The following FAM184A variants were observed in gnomAD, a reference collection of about 807,000 sequenced individuals.
FAM184A encodes family with sequence similarity 184 member A.
FAM184A carries 99 observed loss-of-function variants against 143.8 expected under a neutral mutation model. The ratio of observed to expected loss-of-function variants is 0.69; its 90% CI spans 0.58 to 0.81. The LOEUF (loss-of-function observed/expected upper bound fraction) is 0.81. Ranked by LOEUF, FAM184A falls within the 40% of genes least tolerant of loss-of-function variation. The probability of loss-of-function intolerance (pLI) is 0.00; values close to 1 mark genes in which losing one functional copy is unlikely to be tolerated. For synonymous variants in FAM184A, 427 were observed against 446.4 expected (o/e 0.96, Z 0.55); for missense variants, 1,217 against 1,310.5 (o/e 0.93, Z 1.10).
rs889907993 is a variant in FAM184A, at chr6:119,089,502, T to G, written c.-202+59576A>C. Among the ~76,000 whole-genome samples, 9 of 152,178 alleles carry G rather than the reference T, an allele frequency of 5.9e-5. 1 individual carries two copies. The highest frequency in any genetic ancestry group is 1.5e-5 in the Non-Finnish European group (1 of 68,024). ...AATTCTTGTAGAGATGGGATCTTGC[T>G]ACATTGCCCAGGCTGGTCCTGAACT... is the stretch of plus-strand genomic sequence containing the variant. On this transcript the variant is annotated intron_variant, in intron 1 of 16. Transcript: ENST00000352896.
At chr6:118,991,779 T>C (rs1207379559) in intron 9 of FAM184A, among the ~76,000 whole-genome samples, 2 of 100,854 alleles carry the variant, frequency 2.0e-5, no homozygotes, top group Non-Finnish European at 4.2e-5. Flanking sequence ...TTTTTTTTTT[T>C]TGAGACAGAG....
intron 16 of FAM184A, among the ~76,000 whole-genome samples, chr6:118,964,237 T>C (rs1365263099): frequency 6.6e-6 from 1 of 152,168 alleles, no homozygotes; most frequent in East Asian, 1.9e-4. Context: ...TCTCTGACGA[T>C]TGGTAGGCAA....
intron 1 of FAM184A, among the ~76,000 whole-genome samples, chr6:119,073,900 C>A (rs1015361286): frequency 2.9e-4 from 44 of 152,228 alleles, no homozygotes; most frequent in African/African-American, 1.1e-3. Flanking sequence ...GAGTGAACAA[C>A]CTGGGGTGGG....
At chr6:118,991,163 ATTTTTTTTT>A (rs527696839) in intron 9 of FAM184A, among the ~76,000 whole-genome samples, 1 of 145,320 alleles carries the variant, frequency 6.9e-6, no homozygotes, top group Non-Finnish European at 1.5e-5. Context: ...TTATTTTTTA[ATTTTTTTTT>A]TTTTTGAGAT....
intron 9 of FAM184A, among the ~76,000 whole-genome samples, chr6:118,990,780 A>G (rs913946060): frequency 6.6e-6 from 1 of 152,072 alleles, no homozygotes; most frequent in Non-Finnish European, 1.5e-5. Flanking sequence ...AGCTACAGCT[A>G]CTCGGGAGGC....
intron 1 of FAM184A, among the ~76,000 whole-genome samples, chr6:119,109,708 A>G (rs1021331631): frequency 2.0e-5 from 3 of 152,192 alleles, no homozygotes; most frequent in Admixed American, 1.3e-4. Context: ...GAGGACTTTC[A>G]TCTTAGAAAC....
In FAM184A at chr6:119,011,411, G is replaced by C. The variant is rs1162927968; in HGVS notation, c.1551C>G (p.Asn517Lys). ...CCTCTTCCAGGTTTAGTTTATCTTT[G>C]TTATGTTGTTCTTCCAAATCCTTAG... is the stretch of plus-strand genomic sequence containing the variant. ...KLQMDLEEQH[N>K]KDKLNLEEDK... Residue 517 changes from asparagine to lysine, a missense_variant, in exon 6 of 18, where the codon AAC becomes AAG. Transcript: ENST00000338891. 3.2e-6 allele frequency: 5 copies of C among 1,553,660 alleles called. No homozygotes were observed. The African/African-American group carries it at 5.5e-5, about 17-fold the overall frequency.
At chr6:119,102,317 A>C (rs959673241) in intron 1 of FAM184A, among the ~76,000 whole-genome samples, 5 of 152,230 alleles carry the variant, frequency 3.3e-5, no homozygotes, top group African/African-American at 1.2e-4. Context: ...AATTCCCCCC[A>C]ATTATTACTA....
chr6:119,119,578 A>G (rs1207965593), intron 1 of FAM184A, among the ~76,000 whole-genome samples: 4 of 152,260 alleles, frequency 2.6e-5, no homozygotes, highest in Non-Finnish European at 5.9e-5. Flanking sequence ...TTGTTAGTAT[A>G]TGAACACAAA....
intron 1 of FAM184A, among the ~76,000 whole-genome samples, chr6:119,111,582 C>T (rs1056722822): frequency 1.3e-5 from 2 of 152,148 alleles, no homozygotes; most frequent in Middle Eastern, 3.2e-3. Flanking sequence ...CACAGAAACC[C>T]GGCGTATTCC....
Position 119,137,406 on chromosome 6 carries a change from C to A in FAM184A, c.-202+11672G>T, listed in dbSNP as rs6569052. Among the ~76,000 whole-genome samples, 932 of 152,266 alleles carry A rather than the reference C, an allele frequency of 6.1e-3. 38 individuals carry two copies. In the East Asian group the frequency reaches 0.092, roughly 15 times the overall value. ...AGTCCTATCAGATTAGGACCCCACC[C>A]ATATGTCCTCATTCAACCTTAATCA... is the stretch of plus-strand genomic sequence containing the variant. On this transcript the variant is annotated intron_variant, in intron 1 of 16. Coordinates refer to the FAM184A transcript ENST00000352896.
At chr6:119,113,514 T>C (rs1412782010) in intron 1 of FAM184A, among the ~76,000 whole-genome samples, 1 of 152,130 alleles carries the variant, frequency 6.6e-6, no homozygotes, top group Non-Finnish European at 1.5e-5. Context: ...ACCATACAAC[T>C]ATAGTTCTCA....
chr6:119,010,032 C>A (rs369013601), intron 6 of FAM184A, among the ~76,000 whole-genome samples: 1 of 152,154 alleles, frequency 6.6e-6, no homozygotes, highest in Non-Finnish European at 1.5e-5. Context: ...GCCATGTGTG[C>A]CTCTAAGCAG....
intron 1 of FAM184A, among the ~76,000 whole-genome samples, chr6:119,025,167 C>T (rs1032890651): frequency 2.4e-4 from 36 of 152,064 alleles, no homozygotes; most frequent in Admixed American, 1.8e-3. Flanking sequence ...TCTAGCTTAC[C>T]GGGGACTGTG....
chr6:119,107,590 A>G (rs1582622280), intron 1 of FAM184A, among the ~76,000 whole-genome samples: 1 of 152,064 alleles, frequency 6.6e-6, no homozygotes, highest in East Asian at 1.9e-4. Flanking sequence ...AGTGAAAATA[A>G]TTTGTCTCTA....
Position 119,024,430 on chromosome 6 carries a change from T to G in FAM184A, c.543A>C (p.Lys181Asn). 1.9e-6 allele frequency: 3 copies of G among 1,614,204 alleles called. No individual in the cohort carries two copies. Among genetic ancestry groups the G allele is most frequent in the Non-Finnish European group, 2.5e-6 (3 of 1,180,050 alleles). ...SFGQLQVQFEKDKRLALEDLQ... is the reference protein window; with the variant it reads ...SFGQLQVQFENDKRLALEDLQ... ...AGTCTTCCAATGCCAATCGTTTGTC[T>G]TTTTCAAACTGTACTTGAAGTTGTC... The change falls in exon 2 of 18, where the codon AAA becomes AAC. Residue 181 changes from lysine (K) to asparagine (N), a missense_variant. Physicochemically the swap from Lys to Asn is moderately conservative, Grantham distance 94 (BLOSUM62 0). Coordinates refer to ENST00000338891, the MANE Select transcript of FAM184A (RefSeq NM_024581.6).
chr6:118,970,151 C>T (rs1001160114), intron 14 of FAM184A, among the ~76,000 whole-genome samples: 1 of 149,506 alleles, frequency 6.7e-6, no homozygotes, highest in African/African-American at 2.5e-5. Flanking sequence ...TTACAAGTGT[C>T]TGCCACCACA....
At chr6:118,993,546 T>G (rs1784445028) in intron 9 of FAM184A, among the ~76,000 whole-genome samples, 1 of 152,240 alleles carries the variant, frequency 6.6e-6, no homozygotes, top group Non-Finnish European at 1.5e-5. Context: ...TTATTCACAT[T>G]CTGCATCCAA....
intron 1 of FAM184A, among the ~76,000 whole-genome samples, chr6:119,139,662 A>T (rs78460656): frequency 6.6e-6 from 1 of 150,616 alleles, no homozygotes; most frequent in Non-Finnish European, 1.5e-5. Flanking sequence ...AAAAAAAAAA[A>T]CCACTGGGGA....
Sources: allele counts gnomAD v4.1 joint callset (sites outside exome capture counted in the v4.1 genomes callset), GRCh38; gene constraint gnomAD v4.1.1; transcripts MANE v1.5; gene names NCBI Gene and HGNC (gene_info 2026-07-23, HGNC 2026-07-21).